NAALADL2: variants seen among roughly 807,000 people sequenced by gnomAD.
NAALADL2 encodes inactive N-acetylated-alpha-linked acidic dipeptidase-like protein 2.
NAALADL2 carries 76 observed loss-of-function variants against 87.2 expected under a neutral mutation model. The ratio of observed to expected loss-of-function variants is 0.87; its 90% CI spans 0.72 to 1.05. The LOEUF (loss-of-function observed/expected upper bound fraction) is 1.05, where lower values mean the gene tolerates loss of function less well. Ranked by LOEUF, NAALADL2 falls within the 50% of genes least tolerant of loss-of-function variation. The pLI is 0.00. For synonymous variants in NAALADL2, 354 were observed against 331.0 expected, an observed-to-expected ratio of 1.07 and a Z score of -0.75; for missense variants, 1,089 against 945.8, an observed-to-expected ratio of 1.15 and a Z score of -1.99.
chr3:175,300,812 A>G (rs927669780), intron 4 of NAALADL2, among the ~76,000 whole-genome samples: 4 of 147,282 alleles, frequency 2.7e-5, no homozygotes, highest in Non-Finnish European at 4.5e-5. Context: ...ATTTATTTTG[A>G]GCTCACTGCA....
At chr3:174,727,744 G>A (rs1732337785) in intron 2 of NAALADL2, among the ~76,000 whole-genome samples, 1 of 151,986 alleles carries the variant, frequency 6.6e-6, no homozygotes, top group African/African-American at 2.4e-5. Flanking sequence ...AAAGTCCATA[G>A]CCTGCATTTG....
chr3:175,305,616 C>A (rs62286965), intron 4 of NAALADL2, among the ~76,000 whole-genome samples: 36,609 of 151,820 alleles, frequency 0.24, 4,584 homozygotes, highest in Middle Eastern at 0.27. Flanking sequence ...TCCACCTCCT[C>A]GGTTCAAGTG....
intron 2 of NAALADL2, among the ~76,000 whole-genome samples, chr3:175,156,770 G>A (rs1009543875): frequency 1.1e-4 from 16 of 152,020 alleles, no homozygotes; most frequent in African/African-American, 3.9e-4. Context: ...CACATACATA[G>A]GTTTATACAG....
intron 1 of NAALADL2, among the ~76,000 whole-genome samples, chr3:175,005,012 G>A (rs1176321719): frequency 6.6e-6 from 1 of 152,078 alleles, no homozygotes; most frequent in African/African-American, 2.4e-5. Flanking sequence ...AACAGAAAAC[G>A]AGTAAAATGA....
intron 1 of NAALADL2, among the ~76,000 whole-genome samples, chr3:175,015,869 T>C (rs2108837585): frequency 6.6e-6 from 1 of 152,142 alleles, no homozygotes; most frequent in East Asian, 1.9e-4. Flanking sequence ...AAACACCATA[T>C]CAAAATATCA....
intron 2 of NAALADL2, among the ~76,000 whole-genome samples, chr3:174,569,572 A>G (rs1310469889): frequency 2.6e-5 from 4 of 152,046 alleles, no homozygotes; most frequent in Admixed American, 6.6e-5. Flanking sequence ...GCTTCTTTGC[A>G]TGTCTAATAA....
chr3:174,960,633 A>G (rs1741837525), intron 1 of NAALADL2, among the ~76,000 whole-genome samples: 3 of 152,062 alleles, frequency 2.0e-5, no homozygotes, highest in South Asian at 2.1e-4. Context: ...GGGATAATAT[A>G]ATAGCCTGTG....
chr3:174,477,055 C>A (rs1678617652), intron 1 of NAALADL2, among the ~76,000 whole-genome samples: 1 of 151,770 alleles, frequency 6.6e-6, no homozygotes, highest in East Asian at 1.9e-4. Context: ...TGAGATCGCA[C>A]CATTGCACTC....
intron 5 of NAALADL2, among the ~76,000 whole-genome samples, chr3:175,417,322 C>T (rs768374876): frequency 2.6e-5 from 4 of 151,758 alleles, no homozygotes; most frequent in African/African-American, 4.8e-5. Flanking sequence ...GCACATTAAT[C>T]GTCCATCATA....
chr3:174,874,694 A>AT (rs202181722), intron 1 of NAALADL2, among the ~76,000 whole-genome samples: 9 of 151,984 alleles, frequency 5.9e-5, no homozygotes, highest in South Asian at 2.1e-4. Flanking sequence ...TTCAAGGTAT[A>AT]TTTTTTTTGC....
intron 1 of NAALADL2, among the ~76,000 whole-genome samples, chr3:174,472,065 C>G (rs767246607): frequency 2.6e-5 from 4 of 152,082 alleles, no homozygotes; most frequent in Non-Finnish European, 5.9e-5. Context: ...CCTTGAGAAG[C>G]AAGATTTATT....
chr3:175,193,655 T>C (rs904872838), intron 2 of NAALADL2, among the ~76,000 whole-genome samples: 1 of 151,848 alleles, frequency 6.6e-6, no homozygotes, highest in African/African-American at 2.4e-5. Context: ...TCTCCAAAAG[T>C]ACTTAATTAA....
chr3:175,695,736 G>A (rs777153618), intron 11 of NAALADL2, among the ~76,000 whole-genome samples: 2 of 152,006 alleles, frequency 1.3e-5, no homozygotes, highest in Non-Finnish European at 2.9e-5. Flanking sequence ...AGATTTCAAA[G>A]TACAGGAGAT....
chr3:175,676,811 C>G (rs960562598), intron 11 of NAALADL2: 9 of 151,968 alleles, frequency 5.9e-5, no homozygotes, highest in Non-Finnish European at 1.3e-4. Flanking sequence ...TTCAGGTAAG[C>G]AAACATGACA....
At chr3:175,469,369 T>A (rs1209101240) in intron 8 of NAALADL2, among the ~76,000 whole-genome samples, 1 of 152,058 alleles carries the variant, frequency 6.6e-6, no homozygotes, top group Non-Finnish European at 1.5e-5. Context: ...AACTAATTTA[T>A]GCTCTAAATA....
At chr3:175,761,959 C>G (rs1450158815) in intron 13 of NAALADL2, among the ~76,000 whole-genome samples, 3 of 152,066 alleles carry the variant, frequency 2.0e-5, no homozygotes, top group African/African-American at 7.2e-5. Flanking sequence ...TTTTCATTCT[C>G]TTAACAGTAC....
At chr3:175,732,359 A>C (rs973505938) in intron 11 of NAALADL2, among the ~76,000 whole-genome samples, 1 of 152,192 alleles carries the variant, frequency 6.6e-6, no homozygotes, top group African/African-American at 2.4e-5. Context: ...TGGGGAATTT[A>C]GACCATTCTT....
At chr3:175,096,735 A>C in intron 1 of NAALADL2, 55 bp from the exon 2 acceptor site, 1 of 1,190,828 alleles carries the variant, frequency 8.4e-7, no homozygotes, top group African/African-American at 1.5e-5. Flanking sequence ...TCACTTTGTT[A>C]GTTTTTTTAA....
chr3:174,623,950 A>G (rs905756288), intron 2 of NAALADL2, among the ~76,000 whole-genome samples: 2 of 152,174 alleles, frequency 1.3e-5, no homozygotes, highest in African/African-American at 4.8e-5. Context: ...ATTTAGTTGT[A>G]TATTTGGATT....
Sources: allele counts gnomAD v4.1 joint callset (sites outside exome capture counted in the v4.1 genomes callset), GRCh38; gene constraint gnomAD v4.1.1; transcripts MANE v1.5; gene names NCBI Gene and HGNC (gene_info 2026-07-23, HGNC 2026-07-21).